Variants in GATAD2B observed in about 807,000 individuals in gnomAD.
GATAD2B encodes the protein GATA zinc finger domain containing 2B, also known as transcriptional repressor p66-beta.
GATAD2B carries 8 observed loss-of-function variants against 64.3 expected under a neutral mutation model. That is an observed-to-expected ratio of 0.12 (90% CI 0.07 to 0.22). The LOEUF is 0.22. GATAD2B is among the 10% of genes least tolerant of loss of function. The pLI is 1.00. For synonymous variants in GATAD2B, 281 were observed against 271.3 expected (o/e 1.04, Z -0.35); for missense variants, 453 against 752.0 (o/e 0.60, Z 4.65).
At chr1:153,835,488 T>C (rs1164655417) in intron 1 of GATAD2B, among the ~76,000 whole-genome samples, 1 of 149,140 alleles carries the variant, frequency 6.7e-6, no homozygotes, top group African/African-American at 2.5e-5. Flanking sequence ...AAAAAAAAAA[T>C]TGCCAGGTTA....
chr1:153,818,089 G>A lies in GATAD2B; in HGVS notation c.680C>T (p.Ser227Phe), dbSNP rs1355478268. 1 of 1,613,034 alleles carries A rather than the reference G, an allele frequency of 6.2e-7. No individual in the cohort carries two copies. The highest frequency in any genetic ancestry group is 1.7e-5 in the Admixed American group (1 of 59,886). Reference sequence around the variant, plus strand: ...TTCAACCCCTTGGGCCCCAGGCCGAGAGGGAAGCTTAGATAGGCCCTGCTG... The same window carrying A: ...TTCAACCCCTTGGGCCCCAGGCCGAAAGGGAAGCTTAGATAGGCCCTGCTG... ...VGQQGLSKLP[S>F]RPGAQGVEPQ... Residue 227 changes from serine (S) to phenylalanine (F), a missense_variant, in exon 5 of 11, where the codon TCT becomes TTT. This residue lies in a region of GATAD2B where 293 missense variants were observed against 417.2 expected (regional missense o/e 0.70). Coordinates refer to ENST00000368655, the MANE Select transcript of GATAD2B (RefSeq NM_020699.4).
At chr1:153,871,207 C>T (rs961734644) in intron 1 of GATAD2B, among the ~76,000 whole-genome samples, 5 of 152,188 alleles carry the variant, frequency 3.3e-5, no homozygotes, top group Admixed American at 3.3e-4. Flanking sequence ...GCTGGGACTA[C>T]AGGTGAGCAC....
intron 1 of GATAD2B, among the ~76,000 whole-genome samples, chr1:153,875,369 A>C (rs142687986): frequency 2.0e-5 from 3 of 152,258 alleles, no homozygotes; most frequent in Non-Finnish European, 4.4e-5. Context: ...TGGAAGAAAA[A>C]AAAAATCTCA....
intron 1 of GATAD2B, among the ~76,000 whole-genome samples, chr1:153,873,673 T>C (rs901415723): frequency 1.3e-5 from 2 of 152,228 alleles, no homozygotes; most frequent in African/African-American, 4.8e-5. Flanking sequence ...CTGGTCATGG[T>C]GGCTCATGCC....
chr1:153,839,712 G>C (rs1297509888), intron 1 of GATAD2B, among the ~76,000 whole-genome samples: 1 of 152,152 alleles, frequency 6.6e-6, no homozygotes, highest in Non-Finnish European at 1.5e-5. Flanking sequence ...GCTCACACCT[G>C]TAATCCCAGC....
At chr1:153,893,126 CTAGCAGTCTAT>C in intron 1 of GATAD2B, among the ~76,000 whole-genome samples, 1 of 152,304 alleles carries the variant, frequency 6.6e-6, no homozygotes, top group South Asian at 2.1e-4. Context: ...GAGGAAACTT[CTAGCAGTCTAT>C]TAGCTGAGAT....
intron 1 of GATAD2B, among the ~76,000 whole-genome samples, chr1:153,876,242 A>AAAAAAAAAAAAAAAG (rs1676829475): frequency 6.8e-6 from 1 of 146,768 alleles, no homozygotes; most frequent in South Asian, 2.1e-4. Flanking sequence ...AAAAAAAAAA[A>AAAAAAAAAAAAAAAG]AAAAAAAAAA....
At chr1:153,918,415 T>C (rs1259796002) in intron 1 of GATAD2B, among the ~76,000 whole-genome samples, 1 of 152,216 alleles carries the variant, frequency 6.6e-6, no homozygotes, top group Non-Finnish European at 1.5e-5. Context: ...GCTAACATTA[T>C]AAAAATCCTC....
At chr1:153,866,362 A>AT (rs1676475542) in intron 1 of GATAD2B, among the ~76,000 whole-genome samples, 1 of 152,122 alleles carries the variant, frequency 6.6e-6, no homozygotes, top group African/African-American at 2.4e-5. Flanking sequence ...ATCCAAATAA[A>AT]TTATTTCTCA....
At chr1:153,905,915 A>C (rs1054586353) in intron 1 of GATAD2B, among the ~76,000 whole-genome samples, 3 of 151,352 alleles carry the variant, frequency 2.0e-5, no homozygotes, top group African/African-American at 7.3e-5. Context: ...AAAAATACAA[A>C]AATTAGCTGG....
At chr1:153,878,266 C>T (rs901933424) in intron 1 of GATAD2B, among the ~76,000 whole-genome samples, 2 of 151,420 alleles carry the variant, frequency 1.3e-5, no homozygotes, top group Non-Finnish European at 2.9e-5. Context: ...ACCCCAGCCT[C>T]CCGAGTAGCT....
intron 1 of GATAD2B, among the ~76,000 whole-genome samples, chr1:153,878,677 TC>T (rs1011567558): frequency 2.6e-5 from 4 of 151,552 alleles, no homozygotes; most frequent in African/African-American, 9.7e-5. Flanking sequence ...TCCCTCTCAT[TC>T]CCAACTCTCC....
rs34780134 is a variant in GATAD2B, at chr1:153,909,947, C to CAA, written c.-2+12784_-2+12785dup. Among the ~76,000 whole-genome samples the CAA allele has an allele frequency of 3.2e-3, 321 of 101,042 alleles. 4 individuals carry two copies. The highest frequency in any genetic ancestry group is 9.7e-3 in the African/African-American group (248 of 25,480). 66.3% of individuals were successfully genotyped at this position (101,042 alleles called of 152,430 possible). ...TGGGCAACAGAGCAAGACTCCATCT[C>CAA]AAAAAAAAAAAAAAAAAATTAGCTG... On this transcript the variant is annotated intron_variant, in intron 1 of 10. Transcript: ENST00000368655.
intron 1 of GATAD2B, among the ~76,000 whole-genome samples, chr1:153,881,159 G>A (rs1038154307): frequency 3.3e-5 from 5 of 151,928 alleles, no homozygotes; most frequent in Non-Finnish European, 7.4e-5. Context: ...ACACACGAGC[G>A]CGCGCACATT....
intron 1 of GATAD2B, among the ~76,000 whole-genome samples, chr1:153,868,731 CTATAT>C (rs913963266): frequency 2.0e-5 from 3 of 150,382 alleles, no homozygotes; most frequent in Non-Finnish European, 3.0e-5. Flanking sequence ...AATATATATA[CTATAT>C]ACTTTTTTTT....
chr1:153,812,473 T>C lies in GATAD2B; in HGVS notation c.1420-341A>G, dbSNP rs556836731. On this transcript the variant is annotated intron_variant, in intron 8 of 10. Coordinates refer to ENST00000368655, the MANE Select transcript of GATAD2B (RefSeq NM_020699.4). ...GGTATAAGCAGCTAACTTGCTTCAA[T>C]GATCAAGGGATCCTCCTCTCTTTCT... 1.1e-4 allele frequency among the ~76,000 whole-genome samples: 17 copies of C among 152,318 alleles called. No individual in the cohort carries two copies. In the South Asian group the frequency reaches 3.3e-3, roughly 30 times the overall value.
rs1269454823 is a variant in GATAD2B, at chr1:153,827,994, C to A, written c.335+19G>T. On this transcript the variant is annotated intron_variant, in intron 2 of 10. Coordinates refer to ENST00000368655, the MANE Select transcript of GATAD2B (RefSeq NM_020699.4). ...TATGAGACGACCCTATCCCTGGAGG[C>A]AGCTGAACTGAGCCATACCTCCGTC... is the stretch of plus-strand genomic sequence containing the variant. 1.3e-6 allele frequency: 2 copies of A among 1,584,258 alleles called. No individual in the cohort carries two copies. Among genetic ancestry groups the A allele is most frequent in the Admixed American group, 3.3e-5 (2 of 59,716 alleles).
chr1:153,816,667 G>A lies in GATAD2B; in HGVS notation c.901-79C>T. On this transcript the variant is annotated intron_variant, in intron 6 of 10. Coordinates refer to ENST00000368655, the MANE Select transcript of GATAD2B (RefSeq NM_020699.4). This position sits in a 1 kb window ranked among gnomAD's most constrained non-coding sequence, Gnocchi z 4.9. The stretch of plus-strand genomic sequence containing the variant: ...TCTTACGTTCTTGGCAGAGGACACT[G>A]TCTGATCCTGGTTTGGACTACTTAG... The A allele has an allele frequency of 1.1e-6, 1 of 920,054 alleles. No individual in the cohort carries two copies. The highest frequency in any genetic ancestry group is 1.7e-6 in the Non-Finnish European group (1 of 593,542). The allele number at this position is 920,054 out of a possible 1,614,324, so 57.0% of individuals were successfully genotyped here. A position where few individuals can be genotyped will look rare whatever the true frequency, so the allele number is the denominator to read the frequency against.
At chr1:153,826,270 C>T (rs934511281) in intron 2 of GATAD2B, among the ~76,000 whole-genome samples, 4 of 152,072 alleles carry the variant, frequency 2.6e-5, no homozygotes, top group South Asian at 2.1e-4. Flanking sequence ...CCACCCGCCT[C>T]GGCCTCTCAA....
Sources: gnomAD v4.1 joint callset for allele counts (sites outside exome capture counted in the v4.1 genomes callset) on GRCh38, gnomAD v4.1.1 for gene constraint, gnomAD v4.1.1 regional missense constraint, Gnocchi (gnomAD v3.1) non-coding constraint, MANE v1.5 for transcripts, NCBI Gene and HGNC (gene_info 2026-07-23, HGNC 2026-07-21) for gene names.